Variants in CDT1 observed in about 807,000 individuals in gnomAD.
CDT1 encodes chromatin licensing and DNA replication factor 1.
In CDT1, 66 loss-of-function variants were observed where a neutral mutation model predicts 49.3. The observed-to-expected ratio is 1.34, with a 90% CI of 1.10 to 1.64. CDT1 has a LOEUF of 1.64. CDT1 is among the 40% of genes most tolerant of loss of function. The pLI, the probability that CDT1 is intolerant of heterozygous loss-of-function variation, is 0.00. For missense variants in CDT1, 958 were observed against 807.7 expected, an observed-to-expected ratio of 1.19 and a Z score of -2.26; for synonymous variants, 424 against 347.4, an observed-to-expected ratio of 1.22 and a Z score of -2.45.
At position 88,803,954 on chromosome 16, in the gene CDT1, C is replaced by G; in HGVS notation, c.123C>G (p.Ala41=). ...CCAGGCCCGCACTCCGCGCCCCGGC[C>G]TCCGCTACCAGTGGCAGCCGCAAGC... ...SPARPALRAP[A]SATSGSRKRA... The change falls in exon 1 of 10, where the codon GCC becomes GCG. Residue 41 remains alanine (A), a synonymous_variant. Transcript: ENST00000301019. 7.1e-7 allele frequency: 1 copy of G among 1,415,396 alleles called. No homozygotes were observed. The highest frequency in any genetic ancestry group is 1.4e-5 in the South Asian group (1 of 71,646). 87.7% of individuals were successfully genotyped at this position (1,415,396 alleles called of 1,614,324 possible). A position where few individuals can be genotyped will look rare whatever the true frequency, so the allele number is the denominator to read the frequency against.
Position 88,808,106 on chromosome 16 carries a change from C to CT in CDT1, c.1478-8dup. Reference sequence around the variant, plus strand: ...GCACCAGCCTCAGTGTCCTCCTCTCCTCCCCCAGGGGAAATGGAGAAGCAC... The same window carrying CT: ...GCACCAGCCTCAGTGTCCTCCTCTCCTTCCCCCAGGGGAAATGGAGAAGCAC... On this transcript the variant is annotated splice_polypyrimidine_tract_variant and intron_variant, in intron 9 of 9. Coordinates refer to ENST00000301019, the MANE Select transcript of CDT1 (RefSeq NM_030928.4). The CT allele has an allele frequency of 6.2e-7, 1 of 1,611,802 alleles. No homozygotes were observed. Among genetic ancestry groups the CT allele is most frequent in the Non-Finnish European group, 8.5e-7 (1 of 1,179,562 alleles).
At chr16:88,805,978 C>T (rs377111765) in intron 5 of CDT1, 43 bp from the exon 6 acceptor site, 21 of 1,574,478 alleles carry the variant, frequency 1.3e-5, no homozygotes, top group Non-Finnish European at 1.7e-5. Context: ...GGGTGGGTGG[C>T]TGGGTGGCCT....
At chr16:88,805,317 G>C (rs963241015) in intron 3 of CDT1, 123 bp from the exon 4 acceptor site, 50 of 1,211,602 alleles carry the variant, frequency 4.1e-5, no homozygotes, top group Admixed American at 5.7e-5. Flanking sequence ...TGCAAGGGCC[G>C]CGAAAGCCAT....
intron 9 of CDT1, among the ~76,000 whole-genome samples, 188 bp downstream of exon 9, chr16:88,807,670 C>T (rs1908918609): frequency 1.3e-5 from 2 of 152,194 alleles, no homozygotes; most frequent in South Asian, 4.1e-4. Flanking sequence ...TGAGCCTCCG[C>T]CCGGCCCCTC....
chr16:88,807,591 G>T, intron 9 of CDT1, 109 bp downstream of exon 9: 1 of 1,106,480 alleles, frequency 9.0e-7, no homozygotes, highest in Non-Finnish European at 1.3e-6. Flanking sequence ...GTTCTGTTCA[G>T]ATGTGCAGTG....
chr16:88,806,660 C>G lies in CDT1; in HGVS notation c.1108C>G (p.Leu370Val), dbSNP rs370716489. ...AQEVLARARN[L>V]ISPRMEKALS... is the part of the protein sequence containing the mutation. ...GGAGGTGCTGGCCCGGGCCCGCAAC[C>G]TGATTTCACCCAGGGTGAGACTGCG... The change falls in exon 7 of 10, where the codon CTG (leucine) becomes GTG (valine). Residue 370 changes from leucine to valine, a missense_variant. Leu to Val is a conservative substitution (Grantham distance 32). Transcript: ENST00000301019. 19 of 1,608,626 alleles carry G rather than the reference C, an allele frequency of 1.2e-5. No individual in the cohort carries two copies. Among genetic ancestry groups the G allele is most frequent in the Non-Finnish European group, 1.5e-5 (18 of 1,178,750 alleles).
rs1269974270 is a variant in CDT1 at position 88,807,038 on chromosome 16, G to A, written c.1123-13G>A. 6.2e-6 allele frequency: 10 copies of A among 1,612,686 alleles called. No homozygotes were observed. The highest frequency in any genetic ancestry group is 3.3e-4 in the Middle Eastern group (2 of 6,082). ...TCTTGTGACCTCTCCAGTCCAACCT[G>A]TCCCTCCCGCAGATGGAGAAGGCCT... is the stretch of plus-strand genomic sequence containing the variant. On this transcript the variant is annotated splice_polypyrimidine_tract_variant and intron_variant, in intron 7 of 9. Transcript: ENST00000301019.
Position 88,804,930 on chromosome 16 carries a change from G to A in CDT1, c.488+32G>A, listed in dbSNP as rs762549649. ...GCTGGGTGGGCGGCCACGAGGCCCC[G>A]GCAAAGGCCGGGTTGGTGGCAGGCG... On this transcript the variant is annotated intron_variant, in intron 3 of 9. Coordinates refer to ENST00000301019, the MANE Select transcript of CDT1 (RefSeq NM_030928.4). The A allele has an allele frequency of 1.3e-5, 20 of 1,536,172 alleles. 1 individual carries two copies. In the Middle Eastern group the frequency reaches 2.2e-3, roughly 170 times the overall value.
Position 88,806,575 on chromosome 16 carries a change from C to T in CDT1, c.1023C>T (p.Pro341=), listed in dbSNP as rs200497384. Residue 341 remains proline, a synonymous_variant, in exon 7 of 10, where the codon CCC becomes CCT. Transcript: ENST00000301019. ...CGCGCTTCAACGTGGATGAAGTACCCGACATCGAGCCGGCCGCGCTGCCCC... is the reference window on the plus strand; with the variant it reads ...CGCGCTTCAACGTGGATGAAGTACCTGACATCGAGCCGGCCGCGCTGCCCC... The part of the protein sequence containing the change: ...WHPRFNVDEV[P]DIEPAALPQP... The T allele has an allele frequency of 3.5e-5, 57 of 1,608,542 alleles. No individual in the cohort carries two copies. Among genetic ancestry groups the T allele is most frequent in the Admixed American group, 1.8e-4 (11 of 59,606 alleles).
rs752224369 is a variant in CDT1 at position 88,805,799 on chromosome 16, T to G, written c.762T>G (p.Ser254Arg). 4.3e-6 allele frequency: 7 copies of G among 1,613,042 alleles called. No homozygotes were observed. In the East Asian group the frequency reaches 1.3e-4, roughly 31 times the overall value. ...PASYRFRQER[S>R]VPTFKDGTRR... ...CCTACCGCTTCCGCCAGGAGCGCAG[T>G]GTCCCCACCTTCAAGGATGGCACCA... The change falls in exon 5 of 10, where the codon AGT becomes AGG. Residue 254 changes from serine to arginine, a missense_variant. Physicochemically the swap from Ser to Arg is moderately radical, Grantham distance 110. Transcript: ENST00000301019.
chr16:88,806,660 C>T lies in CDT1; in HGVS notation c.1108C>T (p.Leu370=). The stretch of plus-strand genomic sequence containing the variant: ...GGAGGTGCTGGCCCGGGCCCGCAAC[C>T]TGATTTCACCCAGGGTGAGACTGCG... The part of the protein sequence containing the change: ...AQEVLARARN[L]ISPRMEKALS... Residue 370 remains leucine, a synonymous_variant, in exon 7 of 10, where the codon CTG becomes TTG. Coordinates refer to ENST00000301019, the MANE Select transcript of CDT1 (RefSeq NM_030928.4). The T allele has an allele frequency of 1.9e-6, 3 of 1,608,744 alleles. No individual in the cohort carries two copies. The highest frequency in any genetic ancestry group is 2.5e-6 in the Non-Finnish European group (3 of 1,178,742).
chr16:88,807,559 C>A, intron 9 of CDT1, 77 bp downstream of exon 9: 3 of 1,353,262 alleles, frequency 2.2e-6, no homozygotes, highest in Non-Finnish European at 3.1e-6. Context: ...GCTTTCTGAG[C>A]AGAGGTGTCT....
chr16:88,807,483 G>C lies in CDT1; in HGVS notation c.1477+1G>C. On this transcript the variant is annotated splice_donor_variant, in intron 9 of 9. Transcript: ENST00000301019. LOFTEE classifies it high-confidence loss of function. ...AGCTGTTGTACTATCATGAGCCCTG[G>C]TACGTGCAGGGCGGGGTGAAGGGGC... The C allele has an allele frequency of 6.2e-7, 1 of 1,612,500 alleles. No individual in the cohort carries two copies. The highest frequency in any genetic ancestry group is 1.7e-5 in the Admixed American group (1 of 60,016).
chr16:88,805,032 C>A, intron 3 of CDT1, 134 bp downstream of exon 3: 1 of 1,248,590 alleles, frequency 8.0e-7, no homozygotes, highest in Non-Finnish European at 1.1e-6. Context: ...GGGCGCGGAC[C>A]CAGACCCCTG....
chr16:88,807,204 G>A lies in CDT1; in HGVS notation c.1275+1G>A. 6.2e-7 allele frequency: 1 copy of A among 1,612,370 alleles called. No individual in the cohort carries two copies. Among genetic ancestry groups the A allele is most frequent in the Non-Finnish European group, 8.5e-7 (1 of 1,179,802 alleles). On this transcript the variant is annotated splice_donor_variant, in intron 8 of 9. Transcript: ENST00000301019. LOFTEE classifies it high-confidence loss of function. ...GGTGTCCCAGGATCTGCTGGAGCGGGTGAGTCGTCCCCAGTGATGGCGGGT... is the reference window on the plus strand; with the variant it reads ...GGTGTCCCAGGATCTGCTGGAGCGGATGAGTCGTCCCCAGTGATGGCGGGT...
Position 88,804,076 on chromosome 16 carries a change from G to T in CDT1, c.228+17G>T. 1.4e-6 allele frequency: 2 copies of T among 1,400,930 alleles called. No homozygotes were observed. Among genetic ancestry groups the T allele is most frequent in the Non-Finnish European group, 9.3e-7 (1 of 1,080,216 alleles). The allele number at this position is 1,400,930 out of a possible 1,614,324, so 86.8% of individuals were successfully genotyped here. On this transcript the variant is annotated intron_variant, in intron 1 of 9. Coordinates refer to ENST00000301019, the MANE Select transcript of CDT1 (RefSeq NM_030928.4). ...GTGGACGAGGTGAGGGGCGTGGGGAGACTGAGGCCGGGGAGTTGGGGGCGG... is the reference window on the plus strand; with the variant it reads ...GTGGACGAGGTGAGGGGCGTGGGGATACTGAGGCCGGGGAGTTGGGGGCGG...
intron 6 of CDT1, 122 bp from the exon 7 acceptor site, chr16:88,806,364 G>A: frequency 2.4e-6 from 3 of 1,240,448 alleles, no homozygotes; most frequent in East Asian, 2.5e-5. Flanking sequence ...CTGAGCACTG[G>A]GCAGAGGCTG....
At chr16:88,806,794 C>A in intron 7 of CDT1, 120 bp downstream of exon 7, 1 of 1,345,416 alleles carries the variant, frequency 7.4e-7, no homozygotes, top group Non-Finnish European at 1.0e-6. Flanking sequence ...TCCTCCTTGG[C>A]TGGCGGATCC....
At chr16:88,804,371 G>C (rs1908763086) in intron 1 of CDT1, among the ~76,000 whole-genome samples, 174 bp from the exon 2 acceptor site, 2 of 152,124 alleles carry the variant, frequency 1.3e-5, no homozygotes, top group African/African-American at 2.4e-5. Flanking sequence ...CGGAAGACGA[G>C]AGCAAGGCTG....
Sources: gnomAD v4.1 joint callset for allele counts (sites outside exome capture counted in the v4.1 genomes callset) on GRCh38, gnomAD v4.1.1 for gene constraint, MANE v1.5 for transcripts, NCBI Gene and HGNC (gene_info 2026-07-23, HGNC 2026-07-21) for gene names.